The following KCNC2 variants were observed in gnomAD, a reference collection of about 807,000 sequenced individuals.
The protein encoded by KCNC2 is potassium voltage-gated channel subfamily C member 2.
KCNC2 carries 21 observed loss-of-function variants against 44.5 expected under a neutral mutation model. The observed-to-expected ratio is 0.47, with a 90% CI of 0.33 to 0.68. KCNC2 has a LOEUF of 0.68. Among genes scored for constraint, KCNC2 ranks in the 30% least tolerant of loss-of-function variants. The pLI, the probability that KCNC2 is intolerant of heterozygous loss-of-function variation, is 0.01. For missense variants in KCNC2, 589 were observed against 826.2 expected (o/e 0.71, Z 3.52); for synonymous variants, 391 against 339.1 (o/e 1.15, Z -1.68).
rs763292535 is a variant in KCNC2, at chr12:75,043,061, G to A, written c.*44C>T. On this transcript the variant is annotated 3_prime_UTR_variant, in exon 5 of 5. Transcript: ENST00000549446. ...TTCCATTATGGGGTAAACAGCACTT[G>A]AATTAATACAATTTAGCCGACTGAT... The A allele has an allele frequency of 6.2e-7, 1 of 1,608,066 alleles. No individual in the cohort carries two copies. The highest frequency in any genetic ancestry group is 8.5e-7 in the Non-Finnish European group (1 of 1,176,760).
At chr12:75,086,681 A>AAAATATATATATATATATATATAT (rs1206456289) in intron 2 of KCNC2, among the ~76,000 whole-genome samples, 1 of 54,200 alleles carries the variant, frequency 1.8e-5, no homozygotes, top group Non-Finnish European at 3.5e-5. Context: ...AAAAAAAAAA[A>AAAATATATATATATATATATATAT]ATATATATAT....
intron 2 of KCNC2, among the ~76,000 whole-genome samples, chr12:75,086,117 G>T (rs1418043864): frequency 6.6e-6 from 1 of 151,964 alleles, no homozygotes; most frequent in African/African-American, 2.4e-5. Context: ...TATTTAAAAT[G>T]TAGGAAACAC....
rs569810652 is a variant in KCNC2, at chr12:75,041,882, A to G, written c.*1223T>C. 20 of 990,738 alleles carry G rather than the reference A, an allele frequency of 2.0e-5. No homozygotes were observed. Among genetic ancestry groups the G allele is most frequent in the Non-Finnish European group, 2.4e-5 (20 of 833,632 alleles). 61.4% of individuals were successfully genotyped at this position (990,738 alleles called of 1,614,324 possible). Reference sequence around the variant, plus strand: ...GTATGGAGTCGGGTTTGGAGGGAGTAAATATTAAAATCATAAACATCTTAC... The same window carrying G: ...GTATGGAGTCGGGTTTGGAGGGAGTGAATATTAAAATCATAAACATCTTAC... On this transcript the variant is annotated 3_prime_UTR_variant, in exon 5 of 5. Coordinates refer to ENST00000549446, the MANE Select transcript of KCNC2 (RefSeq NM_139137.4).
At chr12:75,054,859 G>C (rs552301224) in intron 2 of KCNC2, among the ~76,000 whole-genome samples, 4 of 152,172 alleles carry the variant, frequency 2.6e-5, no homozygotes, top group Non-Finnish European at 5.9e-5. Context: ...CAGTGGCTTT[G>C]AGGACTCAGA....
chr12:75,072,135 G>A (rs113815538), intron 2 of KCNC2, among the ~76,000 whole-genome samples: 5 of 152,220 alleles, frequency 3.3e-5, no homozygotes, highest in African/African-American at 1.2e-4. Context: ...GGAGCTAGAT[G>A]TGAAGTTTTA....
chr12:75,092,924 T>G (rs1390026624), intron 2 of KCNC2, among the ~76,000 whole-genome samples: 2 of 151,592 alleles, frequency 1.3e-5, no homozygotes, highest in Admixed American at 6.6e-5. Context: ...CATCTATTTT[T>G]CAATCTGTTC....
intron 2 of KCNC2, among the ~76,000 whole-genome samples, chr12:75,185,818 G>T (rs1332204780): frequency 1.3e-5 from 2 of 152,034 alleles, no homozygotes; most frequent in Non-Finnish European, 2.9e-5. Flanking sequence ...GGCTGAGGCA[G>T]GTGGATCACC....
chr12:75,078,342 C>T (rs1050574450), intron 2 of KCNC2, among the ~76,000 whole-genome samples: 19 of 152,118 alleles, frequency 1.2e-4, no homozygotes, highest in African/African-American at 4.6e-4. Flanking sequence ...AGTTTAACTT[C>T]CACCTTTCCT....
chr12:75,192,165 A>G (rs758044923), intron 2 of KCNC2, among the ~76,000 whole-genome samples: 2 of 152,244 alleles, frequency 1.3e-5, no homozygotes, highest in Non-Finnish European at 2.9e-5. Context: ...AAATGAAACA[A>G]AGTAACAACA....
chr12:75,183,247 C>G (rs1008729905), intron 2 of KCNC2, among the ~76,000 whole-genome samples: 1 of 152,132 alleles, frequency 6.6e-6, no homozygotes, highest in African/African-American at 2.4e-5. Flanking sequence ...TTGTTGCCCC[C>G]CAAGCTCAAA....
chr12:75,084,986 G>C (rs1397367259), intron 2 of KCNC2, among the ~76,000 whole-genome samples: 1 of 149,772 alleles, frequency 6.7e-6, no homozygotes, highest in African/African-American at 2.4e-5. Context: ...AGTTAAAAAT[G>C]CAAATCAGTA....
At chr12:75,069,127 A>ATTTTTTTTTTTTTT (rs1231157819) in intron 2 of KCNC2, among the ~76,000 whole-genome samples, 8 of 33,894 alleles carry the variant, frequency 2.4e-4, no homozygotes, top group Non-Finnish European at 4.5e-4. Flanking sequence ...ATTTTATATA[A>ATTTTTTTTTTTTTT]TCTTTTTTTT....
At chr12:75,083,986 G>C (rs1218350026) in intron 2 of KCNC2, among the ~76,000 whole-genome samples, 1 of 151,876 alleles carries the variant, frequency 6.6e-6, no homozygotes, top group Non-Finnish European at 1.5e-5. Context: ...TGAAAGCACT[G>C]ATGTTTCTAA....
intron 2 of KCNC2, among the ~76,000 whole-genome samples, chr12:75,153,997 A>AG (rs1451938492): frequency 2.0e-5 from 3 of 151,996 alleles, no homozygotes. Context: ...TTGAAAAAAA[A>AG]CTATGTATAA....
chr12:75,068,545 A>C (rs1883062768), intron 2 of KCNC2, among the ~76,000 whole-genome samples: 1 of 152,240 alleles, frequency 6.6e-6, no homozygotes. Flanking sequence ...TAGAAATGAC[A>C]AAAAGTAAAG....
chr12:75,041,705 G>A lies in KCNC2; in HGVS notation c.*1400C>T. The A allele has an allele frequency of 1.0e-6, 1 of 993,940 alleles. No homozygotes were observed. Among genetic ancestry groups the A allele is most frequent in the Non-Finnish European group, 1.2e-6 (1 of 834,668 alleles). The allele number at this position is 993,940 out of a possible 1,614,324, so 61.6% of individuals were successfully genotyped here. A position where few individuals can be genotyped will look rare whatever the true frequency, so the allele number is the denominator to read the frequency against. On this transcript the variant is annotated 3_prime_UTR_variant, in exon 5 of 5. Transcript: ENST00000549446. Reference sequence around the variant, plus strand: ...TGCTGGTTGCTAGGTAGTAGAAACTGACACTGCAGCAGGCAACCAAGTGCA... The same window carrying A: ...TGCTGGTTGCTAGGTAGTAGAAACTAACACTGCAGCAGGCAACCAAGTGCA...
At chr12:75,163,762 A>T (rs1891271359) in intron 2 of KCNC2, among the ~76,000 whole-genome samples, 1 of 151,752 alleles carries the variant, frequency 6.6e-6, no homozygotes, top group African/African-American at 2.4e-5. Flanking sequence ...GTAAAAGAGA[A>T]GATTAGCGAT....
chr12:75,055,352 C>G (rs780051492), intron 2 of KCNC2, among the ~76,000 whole-genome samples: 3 of 151,592 alleles, frequency 2.0e-5, no homozygotes, highest in Non-Finnish European at 2.9e-5. Flanking sequence ...ATTTAAAAAG[C>G]AAATTGAACT....
At chr12:75,165,175 A>G (rs1424034717) in intron 2 of KCNC2, among the ~76,000 whole-genome samples, 3 of 151,640 alleles carry the variant, frequency 2.0e-5, no homozygotes, top group Non-Finnish European at 4.4e-5. Flanking sequence ...AGTGTTTACG[A>G]TATCTAATTA....
Sources: allele counts gnomAD v4.1 joint callset (sites outside exome capture counted in the v4.1 genomes callset), GRCh38; gene constraint gnomAD v4.1.1; transcripts MANE v1.5; gene names NCBI Gene and HGNC (gene_info 2026-07-23, HGNC 2026-07-21).